The following PCDH11X variants were observed in gnomAD, a reference collection of about 807,000 sequenced individuals.
PCDH11X encodes protocadherin-11 X-linked.
A neutral mutation model predicts 53.3 loss-of-function variants in PCDH11X; 18 were observed. The observed-to-expected ratio is 0.34, with a 90% confidence interval of 0.23 to 0.50. The LOEUF (loss-of-function observed/expected upper bound fraction) is 0.50. Ranked by LOEUF, PCDH11X falls within the 20% of genes least tolerant of loss-of-function variation. PCDH11X has a pLI of 0.98. For synonymous variants in PCDH11X, 279 were observed against 393.3 expected (o/e 0.71, Z 3.44); for missense variants, 570 against 1,032.4 (o/e 0.55, Z 6.14).
At chrX:91,911,163 G>C (rs185709597) in intron 6 of PCDH11X, among the ~76,000 whole-genome samples, 45 of 111,013 alleles carry the variant, frequency 4.1e-4, no homozygotes, top group Middle Eastern at 4.6e-3. Context: ...TATTTATCCA[G>C]TCCGATAAAT....
chrX:91,841,245 T>G, intron 5 of PCDH11X, among the ~76,000 whole-genome samples: 1 of 111,890 alleles, frequency 8.9e-6, no homozygotes, highest in Non-Finnish European at 1.9e-5. Flanking sequence ...TCATTACTAT[T>G]ATCAGAGTCT....
chrX:91,995,471 T>A (rs2062400654), intron 6 of PCDH11X, among the ~76,000 whole-genome samples: 1 of 111,372 alleles, frequency 9.0e-6, no homozygotes, highest in Non-Finnish European at 1.9e-5. Context: ...CTTGGTACCT[T>A]TCTTGAAGAT....
chrX:91,812,238 G>T (rs969823218), intron 4 of PCDH11X, among the ~76,000 whole-genome samples: 73 of 110,653 alleles, frequency 6.6e-4, no homozygotes, highest in African/African-American at 2.3e-3. Flanking sequence ...ATTGCTCAAA[G>T]AAGAAATCTC....
intron 8 of PCDH11X, among the ~76,000 whole-genome samples, chrX:92,370,167 A>G (rs1400203844): frequency 2.7e-5 from 3 of 110,462 alleles, no homozygotes; most frequent in Admixed American, 9.6e-5. Flanking sequence ...TGATTTTTTG[A>G]CCCAGTAGTT....
chrX:92,048,013 T>A (rs1292628132), intron 6 of PCDH11X, among the ~76,000 whole-genome samples: 1 of 111,112 alleles, frequency 9.0e-6, no homozygotes, highest in Non-Finnish European at 1.9e-5. Context: ...TGATGACTTT[T>A]TTCAGGTCAG....
chrX:91,936,255 G>T (rs1402906450), intron 6 of PCDH11X, among the ~76,000 whole-genome samples: 2 of 109,274 alleles, frequency 1.8e-5, no homozygotes, highest in East Asian at 5.9e-4. Flanking sequence ...AGCAAAATGG[G>T]GTCTATTGGG....
chrX:91,807,722 T>C (rs781185731), intron 1 of PCDH11X, among the ~76,000 whole-genome samples: 1 of 111,763 alleles, frequency 8.9e-6, no homozygotes, highest in South Asian at 3.8e-4. Flanking sequence ...AGTCATGAAG[T>C]GCATCTGACT....
At chrX:92,341,974 C>T (rs1288295685) in intron 8 of PCDH11X, among the ~76,000 whole-genome samples, 1 of 111,636 alleles carries the variant, frequency 9.0e-6, no homozygotes, top group African/African-American at 3.3e-5. Context: ...CTCTAAGGAA[C>T]TTAAACAACT....
chrX:91,991,348 C>A (rs2062318723), intron 6 of PCDH11X, among the ~76,000 whole-genome samples: 1 of 72,529 alleles, frequency 1.4e-5, no homozygotes, highest in South Asian at 8.4e-4. Flanking sequence ...TTTGTTAAGA[C>A]TTTCTTTTTT....
intron 6 of PCDH11X, among the ~76,000 whole-genome samples, chrX:92,063,422 C>T (rs1468964359): frequency 1.8e-5 from 2 of 110,216 alleles, no homozygotes; most frequent in Admixed American, 9.7e-5. Context: ...TTGGTTCTTT[C>T]TTAAAACAGA....
chrX:92,051,003 T>C (rs1473122077), intron 6 of PCDH11X, among the ~76,000 whole-genome samples: 5 of 111,945 alleles, frequency 4.5e-5, no homozygotes, highest in Non-Finnish European at 9.4e-5. Flanking sequence ...TCTACAAAAG[T>C]TTATTCATAT....
At chrX:92,463,221 C>T (rs2073090995) in intron 9 of PCDH11X, among the ~76,000 whole-genome samples, 1 of 111,290 alleles carries the variant, frequency 9.0e-6, no homozygotes, top group South Asian at 3.7e-4. Flanking sequence ...TAGGCATTAT[C>T]ATTTTGTTGG....
At chrX:92,499,823 C>G (rs2750829) in intron 10 of PCDH11X, among the ~76,000 whole-genome samples, 2 of 106,920 alleles carry the variant, frequency 1.9e-5, no homozygotes, top group Admixed American at 2.1e-4. Context: ...CTTAAAGAGA[C>G]CATGTCTCAT....
chrX:92,252,167 T>C (rs1437496114), intron 7 of PCDH11X, among the ~76,000 whole-genome samples: 1 of 111,255 alleles, frequency 9.0e-6, no homozygotes, highest in Non-Finnish European at 1.9e-5. Flanking sequence ...AGTTCTGAAA[T>C]AGAATGTCTA....
At chrX:91,911,338 A>G (rs1434705297) in intron 6 of PCDH11X, among the ~76,000 whole-genome samples, 1 of 110,038 alleles carries the variant, frequency 9.1e-6, no homozygotes, top group Admixed American at 9.8e-5. Flanking sequence ...ATGGGTATAT[A>G]GTAAGTGTGT....
At chrX:92,186,372 G>A (rs1175762130) in intron 6 of PCDH11X, among the ~76,000 whole-genome samples, 1 of 111,925 alleles carries the variant, frequency 8.9e-6, no homozygotes, top group Non-Finnish European at 1.9e-5. Flanking sequence ...GCTCACGCCT[G>A]TAATCCCAGC....
At chrX:92,575,171 A>G (rs1922680571) in intron 10 of PCDH11X, among the ~76,000 whole-genome samples, 1 of 110,704 alleles carries the variant, frequency 9.0e-6, no homozygotes, top group South Asian at 3.7e-4. Flanking sequence ...ATGTACGTGT[A>G]AGATAATTTT....
intron 10 of PCDH11X, among the ~76,000 whole-genome samples, chrX:92,533,024 C>T (rs1232256391): frequency 9.0e-6 from 1 of 110,543 alleles, no homozygotes; most frequent in African/African-American, 3.3e-5. Context: ...CCTCCCACAA[C>T]ACATGGGAAT....
intron 8 of PCDH11X, among the ~76,000 whole-genome samples, chrX:92,383,978 C>A (rs1359901118): frequency 2.7e-5 from 3 of 111,966 alleles, no homozygotes; most frequent in Admixed American, 1.9e-4. Flanking sequence ...CACATCCTCT[C>A]CAGCATCTGT....
Sources: allele counts gnomAD v4.1 joint callset (sites outside exome capture counted in the v4.1 genomes callset), GRCh38; gene constraint gnomAD v4.1.1; transcripts MANE v1.5; gene names NCBI Gene and HGNC (gene_info 2026-07-23, HGNC 2026-07-21).